CSMD1: variants seen among roughly 807,000 people sequenced by gnomAD.
The protein encoded by CSMD1 is CUB and Sushi multiple domains 1.
CSMD1 carries 213 observed loss-of-function variants against 417.5 expected under a neutral mutation model. The ratio of observed to expected loss-of-function variants is 0.51; its 90% CI spans 0.46 to 0.57. CSMD1 has a LOEUF of 0.57. Among genes scored for constraint, CSMD1 ranks in the 20% least tolerant of loss-of-function variants. The pLI is 0.00. For synonymous variants in CSMD1, 2,862 were observed against 1,736.8 expected (o/e 1.65, Z -16.11); for missense variants, 6,923 against 4,529.7 (o/e 1.53, Z -15.17).
chr8:3,250,104 A>G (rs1368131327), intron 26 of CSMD1, among the ~76,000 whole-genome samples: 2 of 152,222 alleles, frequency 1.3e-5, no homozygotes, highest in African/African-American at 4.8e-5. Flanking sequence ...CATGTGCACA[A>G]CGTGCAGGTT....
intron 18 of CSMD1, among the ~76,000 whole-genome samples, chr8:3,378,524 G>C (rs944253222): frequency 6.6e-6 from 1 of 152,172 alleles, no homozygotes; most frequent in East Asian, 1.9e-4. Flanking sequence ...ACCAATTCCA[G>C]CAGCACATCA....
chr8:3,277,133 G>T (rs1055624267), intron 26 of CSMD1, among the ~76,000 whole-genome samples: 5 of 152,112 alleles, frequency 3.3e-5, no homozygotes, highest in Non-Finnish European at 5.9e-5. Context: ...CTGAGTAGAG[G>T]TTTCTGTAGG....
chr8:4,685,585 A>AAAAG (rs375278505), intron 1 of CSMD1, among the ~76,000 whole-genome samples: 2,923 of 152,060 alleles, frequency 0.019, 49 homozygotes, highest in South Asian at 0.067. Context: ...TTAAAAGAAA[A>AAAAG]AAAGAAAGAA....
chr8:4,820,729 C>A (rs920659309), intron 1 of CSMD1, among the ~76,000 whole-genome samples: 1 of 152,166 alleles, frequency 6.6e-6, no homozygotes, highest in Non-Finnish European at 1.5e-5. Context: ...TAATAAGGAT[C>A]TAACTTTGCA....
chr8:3,868,406 T>A (rs951405849), intron 5 of CSMD1, among the ~76,000 whole-genome samples: 1 of 151,978 alleles, frequency 6.6e-6, no homozygotes, highest in South Asian at 2.1e-4. Flanking sequence ...GTGCAGATGG[T>A]CCACACAAGG....
chr8:4,195,916 G>A (rs1175221893), intron 3 of CSMD1, among the ~76,000 whole-genome samples: 1 of 152,062 alleles, frequency 6.6e-6, no homozygotes, highest in Non-Finnish European at 1.5e-5. Flanking sequence ...AAAACTATGA[G>A]ATAAAAAATG....
intron 10 of CSMD1, among the ~76,000 whole-genome samples, chr8:3,524,128 C>CAT (rs1797647884): frequency 6.7e-6 from 1 of 150,338 alleles, no homozygotes; most frequent in Non-Finnish European, 1.5e-5. Context: ...TGTGCACATA[C>CAT]ATACACACAC....
chr8:4,395,524 C>G (rs531275253), intron 3 of CSMD1, among the ~76,000 whole-genome samples: 17 of 150,932 alleles, frequency 1.1e-4, no homozygotes, highest in Non-Finnish European at 2.2e-4. Context: ...AGTTCCCCAC[C>G]TACTGTTTTT....
chr8:3,440,619 G>T (rs1259453226), intron 12 of CSMD1, among the ~76,000 whole-genome samples: 1 of 152,068 alleles, frequency 6.6e-6, no homozygotes, highest in Non-Finnish European at 1.5e-5. Flanking sequence ...GTTTTTCTTT[G>T]CAATCTGTAT....
At chr8:3,868,548 A>C (rs924581086) in intron 5 of CSMD1, among the ~76,000 whole-genome samples, 1 of 151,962 alleles carries the variant, frequency 6.6e-6, no homozygotes, top group African/African-American at 2.4e-5. Context: ...TGCAGCCTGA[A>C]CCCTGTTCTG....
intron 3 of CSMD1, among the ~76,000 whole-genome samples, chr8:4,078,220 T>G (rs561107667): frequency 6.6e-6 from 1 of 152,322 alleles, no homozygotes; most frequent in South Asian, 2.1e-4. Context: ...TTTTTTCTTT[T>G]AATTTTCTTA....
chr8:4,171,888 C>T (rs1363849842), intron 3 of CSMD1, among the ~76,000 whole-genome samples: 2 of 152,228 alleles, frequency 1.3e-5, no homozygotes, highest in East Asian at 1.9e-4. Flanking sequence ...TACTTGAATG[C>T]AATTGTCTGC....
chr8:4,419,480 C>T (rs1246531671), intron 3 of CSMD1, among the ~76,000 whole-genome samples: 3 of 152,070 alleles, frequency 2.0e-5, no homozygotes, highest in Non-Finnish European at 4.4e-5. Flanking sequence ...GTCTCTATGC[C>T]TTGCATGATC....
intron 2 of CSMD1, among the ~76,000 whole-genome samples, chr8:4,423,644 C>A (rs985076276): frequency 3.3e-5 from 5 of 151,914 alleles, no homozygotes; most frequent in African/African-American, 1.2e-4. Flanking sequence ...AACTGATACA[C>A]AGGTTTTACA....
chr8:4,614,684 G>A (rs1801376998), intron 2 of CSMD1, among the ~76,000 whole-genome samples: 1 of 152,000 alleles, frequency 6.6e-6, no homozygotes, highest in South Asian at 2.1e-4. Context: ...CACACTGGAT[G>A]CACGAATGCA....
intron 7 of CSMD1, among the ~76,000 whole-genome samples, chr8:3,698,777 A>G (rs1189171827): frequency 1.3e-5 from 2 of 152,256 alleles, no homozygotes; most frequent in Admixed American, 6.5e-5. Context: ...GCGGACTAAT[A>G]GAGTGAAAAT....
chr8:4,321,867 G>C (rs1442624062), intron 3 of CSMD1, among the ~76,000 whole-genome samples: 1 of 151,964 alleles, frequency 6.6e-6, no homozygotes. Flanking sequence ...CAGAAGAAAT[G>C]AATAAATAAT....
intron 5 of CSMD1, among the ~76,000 whole-genome samples, chr8:3,895,325 T>C (rs10866960): frequency 0.58 from 87,581 of 152,028 alleles, 28,593 homozygotes; most frequent in Admixed American, 0.73. Flanking sequence ...AACATAGATT[T>C]ATGTTTGGAG....
At chr8:4,076,709 G>T (rs896061651) in intron 3 of CSMD1, among the ~76,000 whole-genome samples, 1 of 152,086 alleles carries the variant, frequency 6.6e-6, no homozygotes, top group Non-Finnish European at 1.5e-5. Flanking sequence ...GTCTTTCACT[G>T]CTACTCATCT....
Sources: allele counts gnomAD v4.1 joint callset (sites outside exome capture counted in the v4.1 genomes callset), GRCh38; gene constraint gnomAD v4.1.1; transcripts MANE v1.5; gene names NCBI Gene and HGNC (gene_info 2026-07-23, HGNC 2026-07-21).